Variants in FOXP1 observed in about 807,000 individuals in gnomAD.
FOXP1 encodes the protein forkhead box P1, also known as forkhead box protein P1.
In FOXP1, 15 loss-of-function variants were observed where a neutral mutation model predicts 98.2. That is an observed-to-expected ratio of 0.15 (90% CI 0.10 to 0.24). FOXP1 has a LOEUF of 0.24. FOXP1 is among the 10% of genes least tolerant of loss of function. FOXP1 has a pLI of 1.00. For synonymous variants in FOXP1, 371 were observed against 314.5 expected (o/e 1.18, Z -1.90); for missense variants, 633 against 848.5 (o/e 0.75, Z 3.15).
Position 71,285,081 on chromosome 3 carries a change from T to C in FOXP1, c.-12+14739A>G, listed in dbSNP as rs187990607. 2.6e-3 allele frequency among the ~76,000 whole-genome samples: 391 copies of C among 152,284 alleles called. 2 individuals are homozygous for C. The highest frequency in any genetic ancestry group is 4.5e-3 in the Admixed American group (69 of 15,294). On this transcript the variant is annotated intron_variant, in intron 5 of 20. Coordinates refer to ENST00000649528, the MANE Select transcript of FOXP1 (RefSeq NM_001349338.3). Reference sequence around the variant, plus strand: ...GACCCTTCCTGATGACAATTTTACATTGGTAGGTATTTTATCCCACAGAAG... The same window carrying C: ...GACCCTTCCTGATGACAATTTTACACTGGTAGGTATTTTATCCCACAGAAG...
intron 9 of FOXP1, among the ~76,000 whole-genome samples, chr3:71,049,137 C>T (rs2049467532): frequency 6.6e-6 from 1 of 152,104 alleles, no homozygotes; most frequent in Non-Finnish European, 1.5e-5. Context: ...CTCGGCAGGT[C>T]AGTAGTCAGT....
chr3:71,176,990 G>C (rs951986479), intron 6 of FOXP1, among the ~76,000 whole-genome samples: 3 of 151,946 alleles, frequency 2.0e-5, no homozygotes, highest in Non-Finnish European at 4.4e-5. Context: ...TGGAACCTGG[G>C]AGGCGGAGGT....
At chr3:71,274,206 G>A (rs1202026341) in intron 5 of FOXP1, among the ~76,000 whole-genome samples, 1 of 152,188 alleles carries the variant, frequency 6.6e-6, no homozygotes, top group African/African-American at 2.4e-5. Flanking sequence ...AGTGTTCCCA[G>A]GCCTATAGGA....
At chr3:71,105,039 C>G (rs1328745511) in intron 7 of FOXP1, among the ~76,000 whole-genome samples, 1 of 152,176 alleles carries the variant, frequency 6.6e-6, no homozygotes, top group Non-Finnish European at 1.5e-5. Flanking sequence ...TTTACAAGTT[C>G]AATCTAGTTA....
chr3:71,542,258 T>C (rs1386218182), intron 2 of FOXP1, among the ~76,000 whole-genome samples: 1 of 152,258 alleles, frequency 6.6e-6, no homozygotes, highest in Non-Finnish European at 1.5e-5. Context: ...CATAGGTCTT[T>C]TTAGCTCTTA....
chr3:71,262,998 A>C (rs536254576), intron 5 of FOXP1, among the ~76,000 whole-genome samples: 2 of 152,272 alleles, frequency 1.3e-5, no homozygotes, highest in East Asian at 3.9e-4. Context: ...TGCCCAAAGC[A>C]CCTGAGATAG....
At chr3:71,545,946 C>T (rs2045322089) in intron 2 of FOXP1, among the ~76,000 whole-genome samples, 1 of 152,174 alleles carries the variant, frequency 6.6e-6, no homozygotes, top group African/African-American at 2.4e-5. Context: ...TTAAATGTTG[C>T]ATATATCCTG....
At chr3:71,397,187 T>C (rs2081592908) in intron 3 of FOXP1, among the ~76,000 whole-genome samples, 1 of 149,176 alleles carries the variant, frequency 6.7e-6, no homozygotes, top group Admixed American at 6.8e-5. Context: ...TTTCCCACTT[T>C]ATATTTTAAA....
intron 6 of FOXP1, among the ~76,000 whole-genome samples, chr3:71,162,686 C>A (rs2061199790): frequency 6.6e-6 from 1 of 152,138 alleles, no homozygotes; most frequent in Admixed American, 6.5e-5. Context: ...GGTGAAGCCC[C>A]ACCCATTGTT....
At position 71,057,291 on chromosome 3, in the gene FOXP1, C is replaced by CTTTT. The variant is rs10670020; in HGVS notation, c.283-3522_283-3519dup. On this transcript the variant is annotated intron_variant, in intron 7 of 20. Transcript: ENST00000649528. Reference sequence around the variant, plus strand: ...TTAAAAGTATTCAGTAAAAACGAAACTTTTTTTTTTTTTTTTTTTTTTTTT... The same window carrying CTTTT: ...TTAAAAGTATTCAGTAAAAACGAAACTTTTTTTTTTTTTTTTTTTTTTTTTTTTT... Among the ~76,000 whole-genome samples the CTTTT allele has an allele frequency of 8.9e-3, 67 of 7,492 alleles. 30 individuals are homozygous for CTTTT. The highest frequency in any genetic ancestry group is 0.021 in the Non-Finnish European group (45 of 2,184). 4.9% of individuals were successfully genotyped at this position (7,492 alleles called of 152,430 possible).
intron 7 of FOXP1, among the ~76,000 whole-genome samples, chr3:71,095,838 T>A (rs887072418): frequency 2.0e-5 from 3 of 152,328 alleles, no homozygotes; most frequent in Admixed American, 6.5e-5. Flanking sequence ...AAATGTGGCA[T>A]AATCATTTCA....
At chr3:71,314,747 A>G (rs1489830398) in intron 4 of FOXP1, among the ~76,000 whole-genome samples, 1 of 152,052 alleles carries the variant, frequency 6.6e-6, no homozygotes, top group Non-Finnish European at 1.5e-5. Flanking sequence ...CAAAAAAGCT[A>G]CAAGCCAAAG....
intron 3 of FOXP1, among the ~76,000 whole-genome samples, chr3:71,483,252 TA>T: frequency 6.6e-6 from 1 of 152,286 alleles, no homozygotes. Flanking sequence ...TTTTATTAAG[TA>T]AAGGAAGGAC....
At chr3:71,231,997 A>G (rs2066327035) in intron 5 of FOXP1, among the ~76,000 whole-genome samples, 1 of 152,216 alleles carries the variant, frequency 6.6e-6, no homozygotes, top group Non-Finnish European at 1.5e-5. Context: ...CTCAAAGAAG[A>G]ACTGGTACTT....
chr3:71,044,450 A>T (rs537690625), intron 10 of FOXP1, among the ~76,000 whole-genome samples: 1 of 152,332 alleles, frequency 6.6e-6, no homozygotes, highest in Admixed American at 6.5e-5. Context: ...ATTATGTAAA[A>T]CAGAAAGAAG....
intron 3 of FOXP1, among the ~76,000 whole-genome samples, chr3:71,395,776 C>A (rs1392285597): frequency 1.3e-5 from 2 of 152,052 alleles, no homozygotes; most frequent in Non-Finnish European, 2.9e-5. Context: ...TGAATCATAT[C>A]CCACATCATA....
chr3:71,141,809 C>A (rs185253781), intron 6 of FOXP1, among the ~76,000 whole-genome samples: 60 of 152,248 alleles, frequency 3.9e-4, no homozygotes, highest in Middle Eastern at 3.4e-3. Flanking sequence ...CTTAACTTCT[C>A]ATTTTTAACC....
Position 70,972,491 on chromosome 3 carries a change from CTCTACGTTA to C in FOXP1, c.1652+55_1652+63del, listed in dbSNP as rs1036882858. Reference sequence around the variant, plus strand: ...TCTAACACCATCTAGCAGCCAAAGCCTCTACGTTATACTTGTTAGCACAATCCAAGCTAG... The same window carrying C: ...TCTAACACCATCTAGCAGCCAAAGCCTACTTGTTAGCACAATCCAAGCTAG... On this transcript the variant is annotated intron_variant, in intron 18 of 20. Transcript: ENST00000649528. 1.9e-6 allele frequency: 3 copies of C among 1,607,580 alleles called. No individual in the cohort carries two copies. The African/African-American group carries it at 4.0e-5, about 21-fold the overall frequency.
At chr3:71,338,421 C>A (rs891726668) in intron 4 of FOXP1, among the ~76,000 whole-genome samples, 1 of 152,072 alleles carries the variant, frequency 6.6e-6, no homozygotes, top group Non-Finnish European at 1.5e-5. Context: ...CTTTCCAACC[C>A]GAGTCTTTAA....
Sources: gnomAD v4.1 joint callset for allele counts (sites outside exome capture counted in the v4.1 genomes callset) on GRCh38, gnomAD v4.1.1 for gene constraint, MANE v1.5 for transcripts, NCBI Gene and HGNC (gene_info 2026-07-23, HGNC 2026-07-21) for gene names.